Variants in HDAC4 observed in about 807,000 individuals in gnomAD.
HDAC4 encodes histone deacetylase 4, also known as histone deacetylase A.
In HDAC4, 16 loss-of-function variants were observed where a neutral mutation model predicts 135.1. That is an observed-to-expected ratio of 0.12 (90% CI 0.08 to 0.18). The LOEUF (loss-of-function observed/expected upper bound fraction) is 0.18, where lower values mean the gene tolerates loss of function less well. Ranked by LOEUF, HDAC4 falls within the 10% of genes least tolerant of loss-of-function variation. The pLI, the probability that HDAC4 is intolerant of heterozygous loss-of-function variation, is 1.00. For synonymous variants in HDAC4, 685 were observed against 653.4 expected, an observed-to-expected ratio of 1.05 and a Z score of -0.74; for missense variants, 1,143 against 1,511.8, an observed-to-expected ratio of 0.76 and a Z score of 4.05.
intron 22 of HDAC4, among the ~76,000 whole-genome samples, chr2:239,069,680 T>G (rs6724302): frequency 1.1e-5 from 1 of 89,226 alleles, no homozygotes; most frequent in Non-Finnish European, 2.5e-5. Flanking sequence ...CAAGCCCCAC[T>G]GCACTTGCTT....
chr2:239,095,175 G>A (rs907810954), intron 16 of HDAC4, 119 bp from the exon 17 acceptor site: 1 of 1,040,092 alleles, frequency 9.6e-7, no homozygotes, highest in Admixed American at 1.8e-5. Context: ...ACAACGAGGG[G>A]CCACTGCTCC....
At chr2:239,204,512 T>C (rs1430215790) in intron 3 of HDAC4, among the ~76,000 whole-genome samples, 1 of 152,156 alleles carries the variant, frequency 6.6e-6, no homozygotes, top group Non-Finnish European at 1.5e-5. Flanking sequence ...AGGGCTCTGA[T>C]TCGGATCACG....
chr2:239,155,251 G>C (rs2042350318), intron 7 of HDAC4, among the ~76,000 whole-genome samples: 1 of 151,528 alleles, frequency 6.6e-6, no homozygotes, highest in Non-Finnish European at 1.5e-5. Context: ...CTGGGAACAT[G>C]GCCGGCCTGA....
chr2:239,312,156 T>C (rs1460591379), intron 2 of HDAC4, among the ~76,000 whole-genome samples: 1 of 152,084 alleles, frequency 6.6e-6, no homozygotes, highest in African/African-American at 2.4e-5. Flanking sequence ...CCTACCACAC[T>C]GCAACCTGGA....
chr2:239,398,317 A>G (rs895493397), intron 1 of HDAC4, among the ~76,000 whole-genome samples: 1 of 152,256 alleles, frequency 6.6e-6, no homozygotes, highest in African/African-American at 2.4e-5. Flanking sequence ...CAATTAAGAC[A>G]GCATAAAGTC....
At chr2:239,225,620 G>C (rs555695198) in intron 3 of HDAC4, among the ~76,000 whole-genome samples, 117 of 152,336 alleles carry the variant, frequency 7.7e-4, no homozygotes, top group African/African-American at 2.6e-3. Flanking sequence ...GGCAGGGGAG[G>C]GCAGGCCCGC....
intron 3 of HDAC4, among the ~76,000 whole-genome samples, chr2:239,204,303 G>A (rs964133333): frequency 3.1e-4 from 47 of 152,214 alleles, no homozygotes; most frequent in African/African-American, 8.7e-4. Flanking sequence ...CCTGTGCCCG[G>A]GCCACGGGCC....
At chr2:239,401,552 C>T (rs139821329), upstream of HDAC4, 2,041 of 215,450 alleles carry the variant, frequency 9.5e-3, 17 homozygotes, top group Non-Finnish European at 0.012. Context: ...CACCGCATGT[C>T]TGCGAGCCTA....
Position 239,053,467 on chromosome 2 carries a change from C to T in HDAC4, c.3223G>A (p.Glu1075Lys), listed in dbSNP as rs371369219. The T allele has an allele frequency of 2.7e-5, 44 of 1,612,852 alleles. No homozygotes were observed. In the Middle Eastern group the frequency reaches 6.6e-4, roughly 24 times the overall value. ...ASLSVGVKPAEKRPDEEPMEE... is the reference protein window; with the variant it reads ...ASLSVGVKPAKKRPDEEPMEE... The stretch of plus-strand genomic sequence containing the variant: ...GGCAGGGCAGGTGCTCACCTCTTTT[C>T]GGCGGGCTTCACGCCCACGGACAGC... Residue 1075 changes from glutamate (E) to lysine (K), a missense_variant, in exon 26 of 27, where the codon GAA becomes AAA. Glu to Lys is a moderately conservative substitution (Grantham distance 56). Around this residue, in one of 9 missense-constraint regions of HDAC4, gnomAD observed 131 missense variants for 130.6 expected, o/e 1.00. Transcript: ENST00000543185.
At chr2:239,183,055 G>A (rs946927369) in intron 4 of HDAC4, among the ~76,000 whole-genome samples, 1 of 152,192 alleles carries the variant, frequency 6.6e-6, no homozygotes, top group Admixed American at 6.5e-5. Context: ...AAGGGCTGTT[G>A]GGAAGCAATT....
chr2:239,367,286 G>A (rs916927396), intron 1 of HDAC4, among the ~76,000 whole-genome samples: 2 of 152,052 alleles, frequency 1.3e-5, no homozygotes, highest in African/African-American at 4.8e-5. Context: ...AAATACTGTC[G>A]CCATTAAGCC....
intron 1 of HDAC4, among the ~76,000 whole-genome samples, chr2:239,360,039 A>G (rs1338631994): frequency 6.6e-6 from 1 of 152,184 alleles, no homozygotes; most frequent in Non-Finnish European, 1.5e-5. Context: ...AATCTAGGCA[A>G]ACAGAGGAAG....
At chr2:239,180,290 C>T (rs2044062402) in intron 4 of HDAC4, among the ~76,000 whole-genome samples, 1 of 152,124 alleles carries the variant, frequency 6.6e-6, no homozygotes, top group Non-Finnish European at 1.5e-5. Context: ...AACAGCCTGG[C>T]CCAAGCCCTT....
At chr2:239,337,023 A>C (rs981162940) in intron 2 of HDAC4, among the ~76,000 whole-genome samples, 1 of 152,148 alleles carries the variant, frequency 6.6e-6, no homozygotes, top group African/African-American at 2.4e-5. Context: ...AAGGGTGTCT[A>C]CTGGAATTTG....
chr2:239,116,312 C>T (rs1426547742), intron 12 of HDAC4, among the ~76,000 whole-genome samples: 2 of 149,154 alleles, frequency 1.3e-5, no homozygotes, highest in African/African-American at 2.6e-5. Context: ...CACAGCAGGT[C>T]CAATGCCGAA....
intron 2 of HDAC4, among the ~76,000 whole-genome samples, chr2:239,297,949 T>C (rs528878033): frequency 1.0e-3 from 155 of 152,234 alleles, no homozygotes; most frequent in African/African-American, 3.7e-3. Flanking sequence ...AAATCATTAT[T>C]CCCGGTGCCG....
chr2:239,247,939 T>C (rs1487705463), intron 2 of HDAC4, among the ~76,000 whole-genome samples: 1 of 152,128 alleles, frequency 6.6e-6, no homozygotes, highest in Non-Finnish European at 1.5e-5. Context: ...AAAGGATCCT[T>C]TGATGCCAAG....
At position 239,049,780 on chromosome 2, in the gene HDAC4, C is replaced by G. The variant is rs2030543880; in HGVS notation, c.*3317G>C. On this transcript the variant is annotated 3_prime_UTR_variant, in exon 27 of 27. Coordinates refer to ENST00000543185, the MANE Select transcript of HDAC4 (RefSeq NM_001378414.1). Reference sequence around the variant, plus strand: ...GACGCTGGGGAGGGGCGGCCAGTCCCAGCGGGCCACGGCCTCCGGGACAGC... The same window carrying G: ...GACGCTGGGGAGGGGCGGCCAGTCCGAGCGGGCCACGGCCTCCGGGACAGC... The G allele has an allele frequency of 6.6e-6, 1 of 152,276 alleles. No individual in the cohort carries two copies. Among genetic ancestry groups the G allele is most frequent in the African/African-American group, 2.4e-5 (1 of 41,468 alleles). The allele number at this position is 152,276 out of a possible 1,614,324, so 9.4% of individuals were successfully genotyped here.
intron 3 of HDAC4, among the ~76,000 whole-genome samples, chr2:239,221,881 T>C (rs2046976540): frequency 6.6e-6 from 1 of 152,204 alleles, no homozygotes; most frequent in Admixed American, 6.5e-5. Flanking sequence ...TTTGAGGAAA[T>C]AAAACTTTCC....
Sources: allele counts gnomAD v4.1 joint callset (sites outside exome capture counted in the v4.1 genomes callset), GRCh38; gene constraint gnomAD v4.1.1; regional missense constraint gnomAD v4.1.1; transcripts MANE v1.5; gene names NCBI Gene and HGNC (gene_info 2026-07-23, HGNC 2026-07-21).